FLVCR2: variants seen among roughly 807,000 people sequenced by gnomAD.
FLVCR2 encodes FLVCR choline and putative heme transporter 2.
FLVCR2 carries 38 observed loss-of-function variants against 48.9 expected under a neutral mutation model. The ratio of observed to expected loss-of-function variants is 0.78; its 90% CI spans 0.60 to 1.02. The LOEUF (loss-of-function observed/expected upper bound fraction) is 1.02, where lower values mean the gene tolerates loss of function less well. Among genes scored for constraint, FLVCR2 ranks in the 50% least tolerant of loss-of-function variants. The pLI, the probability that FLVCR2 is intolerant of heterozygous loss-of-function variation, is 0.00. For missense variants in FLVCR2, 664 were observed against 663.3 expected, an observed-to-expected ratio of 1.00 and a Z score of -0.01; for synonymous variants, 255 against 257.0, an observed-to-expected ratio of 0.99 and a Z score of 0.07.
intron 9 of FLVCR2, among the ~76,000 whole-genome samples, chr14:75,643,250 G>T (rs779428156): frequency 1.3e-5 from 2 of 152,216 alleles, no homozygotes; most frequent in Admixed American, 6.5e-5. Context: ...GGACATTAAG[G>T]TTGTTTTGAA....
At chr14:75,599,988 C>T (rs1157634415) in intron 1 of FLVCR2, among the ~76,000 whole-genome samples, 6 of 152,158 alleles carry the variant, frequency 3.9e-5, no homozygotes, top group Admixed American at 3.9e-4. Flanking sequence ...ATGAGGCTGA[C>T]ACCTACTGGG....
intron 1 of FLVCR2, chr14:75,605,395 C>T (rs1447536139): frequency 1.5e-6 from 2 of 1,373,000 alleles, no homozygotes; most frequent in Non-Finnish European, 1.9e-6. Flanking sequence ...GAGCTAAGGG[C>T]CTTTTTCTTT....
At chr14:75,631,379 G>A (rs3784002) in intron 3 of FLVCR2, among the ~76,000 whole-genome samples, 12,053 of 152,180 alleles carry the variant, frequency 0.079, 1,004 homozygotes, top group South Asian at 0.2. Flanking sequence ...TAGGTCTGGG[G>A]TGGAACAGAG....
At position 75,646,401 on chromosome 14, in the gene FLVCR2, A is replaced by G; in HGVS notation, c.1510A>G (p.Lys504Glu). The change falls in exon 10 of 10, where the codon AAA (lysine) becomes GAA (glutamate). Residue 504 changes from lysine (K) to glutamate (E), a missense_variant and splice_region_variant. Coordinates refer to ENST00000238667, the MANE Select transcript of FLVCR2 (RefSeq NM_017791.3). ...ACTGCCTGTTTGTTTTGCTTTATAG[A>G]AACTCCAAGAGGAGGAGGAGGAGAG... ...QKANKETLEN[K>E]LQEEEEESNT... 1.2e-6 allele frequency: 2 copies of G among 1,613,012 alleles called. No homozygotes were observed. Among genetic ancestry groups the G allele is most frequent in the Middle Eastern group, 3.3e-4 (2 of 6,010 alleles).
intron 1 of FLVCR2, among the ~76,000 whole-genome samples, chr14:75,611,469 C>T (rs923282492): frequency 4.6e-5 from 7 of 152,182 alleles, no homozygotes; most frequent in African/African-American, 1.4e-4. Flanking sequence ...GGCACAGTGG[C>T]TCATGCCTGT....
At chr14:75,610,329 G>C (rs1230503476) in intron 1 of FLVCR2, among the ~76,000 whole-genome samples, 1 of 152,126 alleles carries the variant, frequency 6.6e-6, no homozygotes, top group Non-Finnish European at 1.5e-5. Context: ...CAACTTCAAG[G>C]GGAACACCAA....
intron 1 of FLVCR2, among the ~76,000 whole-genome samples, chr14:75,587,912 A>G (rs1340939495): frequency 6.6e-6 from 1 of 152,216 alleles, no homozygotes; most frequent in African/African-American, 2.4e-5. Flanking sequence ...CAATCTAGAA[A>G]TAGAATAGGA....
intron 1 of FLVCR2, among the ~76,000 whole-genome samples, chr14:75,599,363 A>G (rs1889106853): frequency 6.6e-6 from 1 of 150,834 alleles, no homozygotes; most frequent in South Asian, 2.1e-4. Flanking sequence ...TTCCATTTAT[A>G]ATAGCATTAA....
At position 75,640,939 on chromosome 14, in the gene FLVCR2, C is replaced by T; in HGVS notation, c.1236-16C>T. 6.3e-7 allele frequency: 1 copy of T among 1,583,236 alleles called. No homozygotes were observed. Among genetic ancestry groups the T allele is most frequent in the Non-Finnish European group, 8.7e-7 (1 of 1,151,796 alleles). ...GGAAGTTCTTCATCCCCTTGTTTCTCTGGTCTGGTCTTCAGCTTCTTTATG... is the reference window on the plus strand; with the variant it reads ...GGAAGTTCTTCATCCCCTTGTTTCTTTGGTCTGGTCTTCAGCTTCTTTATG... On this transcript the variant is annotated splice_polypyrimidine_tract_variant and intron_variant, in intron 6 of 9. Transcript: ENST00000238667.
intron 1 of FLVCR2, among the ~76,000 whole-genome samples, chr14:75,605,029 G>A (rs547945924): frequency 3.7e-4 from 56 of 152,172 alleles, no homozygotes; most frequent in Non-Finnish European, 7.1e-4. Flanking sequence ...TGAAGGAAGC[G>A]GGCAGGGGTA....
chr14:75,606,457 A>T (rs897797616), intron 1 of FLVCR2, among the ~76,000 whole-genome samples: 1 of 152,096 alleles, frequency 6.6e-6, no homozygotes, highest in East Asian at 1.9e-4. Context: ...GTTTGTGGAG[A>T]CACCCATTTG....
intron 1 of FLVCR2, among the ~76,000 whole-genome samples, chr14:75,597,273 C>T (rs1889045878): frequency 7.2e-6 from 1 of 138,898 alleles, no homozygotes; most frequent in East Asian, 2.2e-4. Flanking sequence ...AGAGCAAGAC[C>T]CATCTCAAAA....
intron 1 of FLVCR2, among the ~76,000 whole-genome samples, chr14:75,590,414 C>T (rs576833360): frequency 1.4e-4 from 21 of 152,310 alleles, no homozygotes; most frequent in African/African-American, 4.8e-4. Flanking sequence ...CTGTTAGCCC[C>T]CCAAAACTCA....
intron 1 of FLVCR2, among the ~76,000 whole-genome samples, chr14:75,606,848 G>A (rs1462497309): frequency 6.6e-6 from 1 of 151,960 alleles, no homozygotes; most frequent in African/African-American, 2.4e-5. Context: ...GGAGGCTGAG[G>A]TTGGGGGATC....
At chr14:75,631,309 C>T (rs1458813382) in intron 3 of FLVCR2, among the ~76,000 whole-genome samples, 1 of 152,214 alleles carries the variant, frequency 6.6e-6, no homozygotes, top group Non-Finnish European at 1.5e-5. Flanking sequence ...TCAGAATCAC[C>T]TGGGAGGCTT....
chr14:75,598,164 T>TA (rs899627459), intron 1 of FLVCR2, among the ~76,000 whole-genome samples: 55 of 152,082 alleles, frequency 3.6e-4, no homozygotes, highest in Non-Finnish European at 1.2e-4. Flanking sequence ...TGATTTATGA[T>TA]ACGTTTGCTG....
intron 1 of FLVCR2, among the ~76,000 whole-genome samples, chr14:75,584,741 C>T (rs903802233): frequency 2.0e-5 from 3 of 152,150 alleles, no homozygotes; most frequent in Non-Finnish European, 4.4e-5. Context: ...AACTCTTTCC[C>T]GTTCATCTGG....
rs199786642 is a variant in FLVCR2 at position 75,612,099 on chromosome 14, GAA to G, written c.670-9979_670-9978del. Among the ~76,000 whole-genome samples, 778 of 152,260 alleles carry G rather than the reference GAA, an allele frequency of 5.1e-3. 5 individuals are homozygous for G. Among genetic ancestry groups the G allele is most frequent in the Middle Eastern group, 0.044 (13 of 294 alleles). On this transcript the variant is annotated intron_variant, in intron 1 of 9. Transcript: ENST00000238667. ...GAGCACGCCTTCTATTTTATGGAGT[GAA>G]GTGTTGCCCCCCAAAAGAAAAAAAT...
At chr14:75,580,479 A>G (rs1888567484) in intron 1 of FLVCR2, among the ~76,000 whole-genome samples, 1 of 152,248 alleles carries the variant, frequency 6.6e-6, no homozygotes, top group African/African-American at 2.4e-5. Context: ...CTGTGTGTTT[A>G]ACAAAGGATT....
Sources: gnomAD v4.1 joint callset for allele counts (sites outside exome capture counted in the v4.1 genomes callset) on GRCh38, gnomAD v4.1.1 for gene constraint, MANE v1.5 for transcripts, NCBI Gene and HGNC (gene_info 2026-07-23, HGNC 2026-07-21) for gene names.